The following DPP4 variants were observed in gnomAD, a reference collection of about 807,000 sequenced individuals.
DPP4 encodes the protein ADCP-2.
In DPP4, 93 loss-of-function variants were observed where a neutral mutation model predicts 122.4. The observed-to-expected ratio is 0.76, with a 90% confidence interval of 0.64 to 0.90. The LOEUF (loss-of-function observed/expected upper bound fraction) is 0.90, where lower values mean the gene tolerates loss of function less well. DPP4 is among the 40% of genes least tolerant of loss of function. DPP4 has a pLI of 0.00. For synonymous variants in DPP4, 321 were observed against 302.9 expected (o/e 1.06, Z -0.62); for missense variants, 914 against 907.3 (o/e 1.01, Z -0.09).
intron 9 of DPP4, among the ~76,000 whole-genome samples, chr2:162,034,611 C>T (rs1363432958): frequency 1.3e-5 from 2 of 152,296 alleles, no homozygotes; most frequent in African/African-American, 4.8e-5. Context: ...CGCTGCTTAA[C>T]AAAGCTCCTC....
chr2:162,063,287 C>T (rs780637040), intron 2 of DPP4, among the ~76,000 whole-genome samples: 1 of 152,038 alleles, frequency 6.6e-6, no homozygotes, highest in Non-Finnish European at 1.5e-5. Flanking sequence ...AATATCACAT[C>T]CAAATGGAGA....
intron 9 of DPP4, among the ~76,000 whole-genome samples, chr2:162,034,313 G>GT (rs1461389894): frequency 6.6e-6 from 1 of 151,656 alleles, no homozygotes; most frequent in Non-Finnish European, 1.5e-5. Flanking sequence ...AGTTTTTTTT[G>GT]TATGTGCCAG....
chr2:162,015,454 G>A, intron 18 of DPP4, among the ~76,000 whole-genome samples: 1 of 152,162 alleles, frequency 6.6e-6, no homozygotes, highest in Non-Finnish European at 1.5e-5. Context: ...CAAACTATCA[G>A]TTGACCATGA....
intron 25 of DPP4, among the ~76,000 whole-genome samples, chr2:161,994,340 T>TA (rs1162583841): frequency 1.3e-5 from 2 of 152,188 alleles, no homozygotes; most frequent in African/African-American, 4.8e-5. Context: ...ATGCACACAT[T>TA]AAAAATACGT....
intron 2 of DPP4, among the ~76,000 whole-genome samples, chr2:162,068,422 A>G (rs1243614824): frequency 6.6e-6 from 1 of 152,192 alleles, no homozygotes; most frequent in Non-Finnish European, 1.5e-5. Context: ...TGGAACTTTG[A>G]GCAAGTTCCT....
In DPP4 at chr2:162,018,967, C is replaced by CTT. The variant is rs35605823; in HGVS notation, c.1299-119_1299-118dup. On this transcript the variant is annotated intron_variant, in intron 15 of 25. Coordinates refer to ENST00000360534, the MANE Select transcript of DPP4 (RefSeq NM_001935.4). ...CAGCATGCCAACGCAATCTTTAGGA[C>CTT]TTTTTTTTTTTTAGCATGAAATAAA... 9.5e-4 allele frequency: 1,013 copies of CTT among 1,062,884 alleles called. 2 individuals carry two copies. In the East Asian group the frequency reaches 0.012, roughly 13 times the overall value. The allele number at this position is 1,062,884 out of a possible 1,614,324, so 65.8% of individuals were successfully genotyped here.
chr2:162,049,725 T>C (rs906184380), intron 2 of DPP4, among the ~76,000 whole-genome samples: 1 of 152,210 alleles, frequency 6.6e-6, no homozygotes, highest in Non-Finnish European at 1.5e-5. Flanking sequence ...GCTTTCTGCT[T>C]TCATCATTAT....
intron 18 of DPP4, among the ~76,000 whole-genome samples, chr2:162,015,227 A>T (rs987131618): frequency 2.6e-5 from 4 of 152,206 alleles, no homozygotes; most frequent in Non-Finnish European, 4.4e-5. Context: ...AGGCAAAAAA[A>T]TTCTTATCTC....
At chr2:162,063,849 A>AT (rs1684865760) in intron 2 of DPP4, among the ~76,000 whole-genome samples, 1 of 152,124 alleles carries the variant, frequency 6.6e-6, no homozygotes, top group South Asian at 2.1e-4. Context: ...TTTCCTTCTT[A>AT]TTTTTTAAGA....
intron 22 of DPP4, among the ~76,000 whole-genome samples, chr2:162,007,620 T>A (rs1701315776): frequency 6.6e-6 from 1 of 152,098 alleles, no homozygotes. Context: ...CTTACAAAGA[T>A]TTACTCCATT....
At chr2:162,024,552 C>T (rs1159788711) in intron 11 of DPP4, among the ~76,000 whole-genome samples, 2 of 152,180 alleles carry the variant, frequency 1.3e-5, no homozygotes, top group East Asian at 3.9e-4. Context: ...GTCACCCCCT[C>T]TCCACTTCCC....
rs1683040580 is a variant in DPP4 at position 162,019,380 on chromosome 2, G to C, written c.1245-104C>G. ...AAGCCTAAGTGTGCACGGAGCGCGC[G>C]CACGGGTGCCCGCCGCCCTCCGCCA... On this transcript the variant is annotated intron_variant, in intron 14 of 25. Transcript: ENST00000360534. 2.8e-5 allele frequency: 21 copies of C among 739,010 alleles called. 2 individuals carry two copies. In the South Asian group the frequency reaches 4.4e-4, roughly 15 times the overall value. The allele number at this position is 739,010 out of a possible 1,614,324, so 45.8% of individuals were successfully genotyped here.
intron 1 of DPP4, 148 bp downstream of exon 1, chr2:162,073,828 A>G: frequency 9.3e-7 from 1 of 1,078,880 alleles, no homozygotes; most frequent in Non-Finnish European, 1.3e-6. Flanking sequence ...GAGCTCTGGG[A>G]CGTCCCTTCA....
chr2:162,045,489 C>G, intron 5 of DPP4, 43 bp downstream of exon 5: 2 of 1,431,450 alleles, frequency 1.4e-6, no homozygotes, highest in Non-Finnish European at 2.0e-6. Context: ...ATAGCATACT[C>G]TTGGATTATT....
rs200666094 is a variant in DPP4, at chr2:162,035,173, T to C, written c.765A>G (p.Pro255=). 1.7e-5 allele frequency: 27 copies of C among 1,612,750 alleles called. No homozygotes were observed. The highest frequency in any genetic ancestry group is 2.1e-5 in the Non-Finnish European group (25 of 1,179,604). ...SLQYPKTVRV[P]YPKAGAVNPT... ...AAACAGGAGCACAGACCTTTGGATA[T>C]GGAACCCGTACAGTCTTTGGGTACT... The change falls in exon 9 of 26, where the codon CCA becomes CCG. Residue 255 remains proline, a synonymous_variant. Coordinates refer to ENST00000360534, the MANE Select transcript of DPP4 (RefSeq NM_001935.4).
intron 9 of DPP4, 142 bp from the exon 10 acceptor site, chr2:162,033,795 A>G (rs1683655938): frequency 1.9e-6 from 1 of 517,994 alleles, no homozygotes; most frequent in African/African-American, 2.0e-5. Flanking sequence ...TTTAATATAC[A>G]TAAAATGAAC....
At chr2:162,023,079 C>T (rs1683193328) in intron 11 of DPP4, among the ~76,000 whole-genome samples, 1 of 152,160 alleles carries the variant, frequency 6.6e-6, no homozygotes. Context: ...CTCTGTCCCA[C>T]CAGCCTGTTC....
At chr2:161,994,883 G>A (rs1025847124) in intron 25 of DPP4, 78 bp downstream of exon 25, 3 of 1,392,528 alleles carry the variant, frequency 2.2e-6, no homozygotes, top group Non-Finnish European at 3.1e-6. Context: ...CTGTGGCACT[G>A]CTAAAAGAAT....
At chr2:162,009,737 A>G (rs887245638) in intron 20 of DPP4, among the ~76,000 whole-genome samples, 1 of 152,062 alleles carries the variant, frequency 6.6e-6, no homozygotes, top group African/African-American at 2.4e-5. Flanking sequence ...AGGGCTTAGA[A>G]ATGTCTCCGG....
Sources: allele counts gnomAD v4.1 joint callset (sites outside exome capture counted in the v4.1 genomes callset), GRCh38; gene constraint gnomAD v4.1.1; transcripts MANE v1.5; gene names NCBI Gene and HGNC (gene_info 2026-07-23, HGNC 2026-07-21).